MCHR2: variants seen among roughly 807,000 people sequenced by gnomAD.
MCHR2 encodes melanin-concentrating hormone receptor 2.
Under a neutral mutation model 24.8 loss-of-function variants are expected in MCHR2, and 15 were observed. The observed-to-expected ratio is 0.60, with a 90% CI of 0.40 to 0.93. The LOEUF (loss-of-function observed/expected upper bound fraction) is 0.93, where lower values mean the gene tolerates loss of function less well. MCHR2 is among the 40% of genes least tolerant of loss of function. MCHR2 has a pLI of 0.00. For synonymous variants in MCHR2, 151 were observed against 147.6 expected (o/e 1.02, Z -0.17); for missense variants, 386 against 408.7 (o/e 0.94, Z 0.48).
chr6:99,943,381 A>G (rs1428066911), intron 3 of MCHR2, among the ~76,000 whole-genome samples: 1 of 150,936 alleles, frequency 6.6e-6, no homozygotes, highest in Non-Finnish European at 1.5e-5. Flanking sequence ...CATGTGCACA[A>G]TGTGCAGGTT....
chr6:99,973,020 GA>G lies in MCHR2; in HGVS notation c.-27-16847del, dbSNP rs563479634. Among the ~76,000 whole-genome samples, 1,332 of 152,026 alleles carry G rather than the reference GA, an allele frequency of 8.8e-3. 14 individuals carry two copies. The highest frequency in any genetic ancestry group is 0.024 in the Admixed American group (364 of 15,252). On this transcript the variant is annotated intron_variant, in intron 1 of 5. Transcript: ENST00000281806. The stretch of plus-strand genomic sequence containing the variant: ...TTTGGAATAGGTGTTGTGTGGTGCT[GA>G]AAAAAAATGTATATTCTATTGATTT...
intron 2 of MCHR2, among the ~76,000 whole-genome samples, chr6:99,952,097 G>C (rs1774976146): frequency 6.6e-6 from 1 of 152,146 alleles, no homozygotes; most frequent in Non-Finnish European, 1.5e-5. Flanking sequence ...GGCCTGCTGT[G>C]CCTGTGGAGA....
chr6:99,978,429 T>TTG (rs1236380498), intron 1 of MCHR2, among the ~76,000 whole-genome samples: 11 of 144,676 alleles, frequency 7.6e-5, no homozygotes, highest in Admixed American at 2.8e-4. Flanking sequence ...AGTTTTTTTT[T>TTG]TTTTTTTTTT....
intron 5 of MCHR2, among the ~76,000 whole-genome samples, chr6:99,922,135 C>T (rs1170649848): frequency 7.4e-6 from 1 of 135,290 alleles, no homozygotes; most frequent in African/African-American, 2.8e-5. Flanking sequence ...GAGACGGAGT[C>T]TCGCTCTGTC....
rs1426407261 is a variant in MCHR2 at position 99,946,027 on chromosome 6, T to A, written c.392+1735A>T. Among the ~76,000 whole-genome samples the A allele has an allele frequency of 7.9e-5, 12 of 152,096 alleles. No individual in the cohort carries two copies. In the South Asian group the frequency reaches 1.0e-3, roughly 13 times the overall value. On this transcript the variant is annotated intron_variant, in intron 3 of 5. Transcript: ENST00000281806. Reference sequence around the variant, plus strand: ...ATAGGAGTATACCTGTTTATTTTTTTTTTTTTCAAAAAAAGCCAATATTCT... The same window carrying A: ...ATAGGAGTATACCTGTTTATTTTTTATTTTTTCAAAAAAAGCCAATATTCT...
At chr6:99,983,691 C>T (rs922111079) in intron 1 of MCHR2, among the ~76,000 whole-genome samples, 1 of 152,024 alleles carries the variant, frequency 6.6e-6, no homozygotes, top group African/African-American at 2.4e-5. Context: ...TCGAAACACT[C>T]TCTTCTCTTG....
chr6:99,970,428 T>A (rs1483383447), intron 1 of MCHR2, among the ~76,000 whole-genome samples: 2 of 152,178 alleles, frequency 1.3e-5, no homozygotes, highest in Non-Finnish European at 2.9e-5. Context: ...TCTTGTAAAT[T>A]TGTTTTGAGT....
chr6:99,959,858 T>TA (rs536681215), intron 1 of MCHR2, among the ~76,000 whole-genome samples: 12 of 149,052 alleles, frequency 8.1e-5, no homozygotes, highest in Admixed American at 4.0e-4. Flanking sequence ...TAATAATAGG[T>TA]AAAAAAAGCC....
At chr6:99,966,881 A>G (rs1249808744) in intron 1 of MCHR2, among the ~76,000 whole-genome samples, 1 of 152,096 alleles carries the variant, frequency 6.6e-6, no homozygotes, top group African/African-American at 2.4e-5. Flanking sequence ...ACTCCCCCTA[A>G]TTTTATAATG....
intron 1 of MCHR2, among the ~76,000 whole-genome samples, chr6:99,979,068 T>C (rs989142548): frequency 4.6e-5 from 7 of 152,202 alleles, no homozygotes; most frequent in Non-Finnish European, 5.9e-5. Flanking sequence ...GGATGGGGAA[T>C]ATCATTTACT....
chr6:99,943,058 C>T lies in MCHR2; in HGVS notation c.478G>A (p.Ala160Thr). 2.5e-6 allele frequency: 4 copies of T among 1,613,240 alleles called. No individual in the cohort carries two copies. Among genetic ancestry groups the T allele is most frequent in the South Asian group, 2.2e-5 (2 of 91,032 alleles). ...ACAGGCAATGCCAGGATAAAGGAAG[C>T]TGCCCAAAGGCCCAAATTGATCCGG... ...TIRINLGLWA[A>T]SFILALPVWV... The change falls in exon 4 of 6, where the codon GCT becomes ACT. Residue 160 changes from alanine (A) to threonine (T), a missense_variant. Ala to Thr is a moderately conservative substitution (Grantham distance 58, BLOSUM62 0). Coordinates refer to ENST00000281806, the MANE Select transcript of MCHR2 (RefSeq NM_001040179.2).
chr6:99,925,939 T>G (rs1178183966), intron 5 of MCHR2, among the ~76,000 whole-genome samples: 1 of 151,880 alleles, frequency 6.6e-6, no homozygotes, highest in African/African-American at 2.4e-5. Context: ...ACCCATTAAC[T>G]CGTCATTTAG....
At chr6:99,958,601 C>T (rs1232117571) in intron 1 of MCHR2, among the ~76,000 whole-genome samples, 1 of 152,158 alleles carries the variant, frequency 6.6e-6, no homozygotes, top group South Asian at 2.1e-4. Flanking sequence ...CTCAGACCCT[C>T]TTTCTCCCAT....
chr6:99,946,943 T>G (rs1774883225), intron 3 of MCHR2, among the ~76,000 whole-genome samples: 1 of 152,090 alleles, frequency 6.6e-6, no homozygotes, highest in African/African-American at 2.4e-5. Context: ...GCAGGGCATA[T>G]CCTAGCTTGC....
chr6:99,953,095 A>G (rs761807142), intron 2 of MCHR2, among the ~76,000 whole-genome samples: 2 of 152,146 alleles, frequency 1.3e-5, no homozygotes, highest in African/African-American at 2.4e-5. Context: ...CACATTGCCC[A>G]TGTCTTCCTT....
chr6:99,975,965 T>G (rs1483477371), intron 1 of MCHR2, among the ~76,000 whole-genome samples: 2 of 152,196 alleles, frequency 1.3e-5, no homozygotes, highest in East Asian at 1.9e-4. Flanking sequence ...ATGCAGGAAT[T>G]GAATCTCACA....
At chr6:99,966,427 A>C (rs1255537311) in intron 1 of MCHR2, among the ~76,000 whole-genome samples, 3 of 152,180 alleles carry the variant, frequency 2.0e-5, no homozygotes, top group African/African-American at 7.2e-5. Context: ...TATTGACTTA[A>C]TATAATTTCA....
chr6:99,920,544 G>C lies in MCHR2; in HGVS notation c.*396C>G. On this transcript the variant is annotated 3_prime_UTR_variant, in exon 6 of 6. Transcript: ENST00000281806. ...CAAATTTTAGACTTCACTCTAAGGT[G>C]ATACCCTCCTAGGAACCTTGAGGAA... The C allele has an allele frequency of 5.4e-6, 1 of 185,246 alleles. No homozygotes were observed. Among genetic ancestry groups the C allele is most frequent in the Non-Finnish European group, 1.1e-5 (1 of 87,222 alleles). The allele number at this position is 185,246 out of a possible 1,614,324, so 11.5% of individuals were successfully genotyped here. A position where few individuals can be genotyped will look rare whatever the true frequency, so the allele number is the denominator to read the frequency against.
At chr6:99,943,675 T>G (rs923383148) in intron 3 of MCHR2, among the ~76,000 whole-genome samples, 3 of 152,194 alleles carry the variant, frequency 2.0e-5, no homozygotes, top group Non-Finnish European at 4.4e-5. Flanking sequence ...GTTATATTTT[T>G]TAAGATCTGC....
Sources: gnomAD v4.1 joint callset for allele counts (sites outside exome capture counted in the v4.1 genomes callset) on GRCh38, gnomAD v4.1.1 for gene constraint, MANE v1.5 for transcripts, NCBI Gene and HGNC (gene_info 2026-07-23, HGNC 2026-07-21) for gene names.